Variants in FGD3 observed in about 807,000 individuals in gnomAD.
The protein encoded by FGD3 is FYVE, RhoGEF and PH domain-containing protein 3.
Under a neutral mutation model 71.8 loss-of-function variants are expected in FGD3, and 45 were observed. The observed-to-expected ratio is 0.63, with a 90% CI of 0.49 to 0.80. FGD3 has a LOEUF of 0.80. Among genes scored for constraint, FGD3 ranks in the 30% least tolerant of loss-of-function variants. The probability of loss-of-function intolerance (pLI) is 0.00; values close to 1 mark genes in which losing one functional copy is unlikely to be tolerated. For synonymous variants in FGD3, 378 were observed against 392.8 expected, an observed-to-expected ratio of 0.96 and a Z score of 0.44; for missense variants, 844 against 951.5, an observed-to-expected ratio of 0.89 and a Z score of 1.49.
chr9:92,998,338 C>T (rs948082602), intron 3 of FGD3, among the ~76,000 whole-genome samples: 2 of 152,156 alleles, frequency 1.3e-5, no homozygotes, highest in African/African-American at 2.4e-5. Flanking sequence ...TTAAGGACTT[C>T]TCTACACTGG....
intron 1 of FGD3, among the ~76,000 whole-genome samples, chr9:92,953,637 C>G (rs2118498235): frequency 6.6e-6 from 1 of 152,328 alleles, no homozygotes; most frequent in Middle Eastern, 3.4e-3. Flanking sequence ...GTCACCTGCA[C>G]ACGGGCCTCA....
At chr9:92,982,088 A>G (rs1860021144) in intron 3 of FGD3, among the ~76,000 whole-genome samples, 1 of 152,136 alleles carries the variant, frequency 6.6e-6, no homozygotes, top group Non-Finnish European at 1.5e-5. Flanking sequence ...TACTCCTTTT[A>G]TCTATCTGCA....
At chr9:92,997,417 C>T (rs761174968) in intron 3 of FGD3, among the ~76,000 whole-genome samples, 2 of 152,118 alleles carry the variant, frequency 1.3e-5, no homozygotes, top group Non-Finnish European at 2.9e-5. Context: ...TGGGTCTTGA[C>T]TCTTTATCCA....
intron 1 of FGD3, among the ~76,000 whole-genome samples, chr9:92,952,233 A>ATTTTT (rs35969028): frequency 7.8e-5 from 10 of 127,788 alleles, no homozygotes; most frequent in African/African-American, 2.7e-4. Context: ...TTGAAAGTCA[A>ATTTTT]TTTTTTTTTT....
In FGD3 at chr9:93,024,798, C is replaced by G. The variant is rs147686672; in HGVS notation, c.1557+2409C>G. On this transcript the variant is annotated intron_variant, in intron 14 of 17. Coordinates refer to ENST00000375482, the MANE Select transcript of FGD3 (RefSeq NM_001083536.2). ...GGACAGGGTCCTGGGGAGTCTAACC[C>G]CCGGGTTGGTGCCCTGACAGGAGAA... Among the ~76,000 whole-genome samples, 1,117 of 152,356 alleles carry G rather than the reference C, an allele frequency of 7.3e-3. 15 individuals carry two copies. Among genetic ancestry groups the G allele is most frequent in the African/African-American group, 0.025 (1,048 of 41,584 alleles).
Position 93,035,528 on chromosome 9 carries a change from C to A in FGD3, c.2117C>A (p.Thr706Lys). ...CTAAGCACTGCTGCCCATGGGGACA[C>A]GGCCCAGGACAGCCCGGGGGCCCTG... is the stretch of plus-strand genomic sequence containing the variant. Reference protein sequence around the residue: ...ETLSTAAHGDTAQDSPGALQL... With the variant: ...ETLSTAAHGDKAQDSPGALQL... Residue 706 changes from threonine to lysine, a missense_variant, in exon 18 of 18, where the codon ACG (threonine) becomes AAG (lysine). Coordinates refer to ENST00000375482, the MANE Select transcript of FGD3 (RefSeq NM_001083536.2). The A allele has an allele frequency of 6.2e-7, 1 of 1,611,558 alleles. No individual in the cohort carries two copies. The highest frequency in any genetic ancestry group is 8.5e-7 in the Non-Finnish European group (1 of 1,179,816).
At chr9:93,002,884 G>C (rs760821198) in intron 3 of FGD3, 41 bp from the exon 4 acceptor site, 2 of 1,601,364 alleles carry the variant, frequency 1.2e-6, no homozygotes, top group South Asian at 2.2e-5. Flanking sequence ...ATTCCCCAAG[G>C]CTCATCTTCC....
chr9:92,966,203 G>A (rs768474394), intron 1 of FGD3, among the ~76,000 whole-genome samples: 2 of 152,202 alleles, frequency 1.3e-5, no homozygotes, highest in Non-Finnish European at 2.9e-5. Flanking sequence ...ACAGGGACAT[G>A]AGCCTGCCAC....
At chr9:93,010,218 G>A (rs1861256246) in intron 6 of FGD3, 28 bp from the exon 7 acceptor site, 1 of 1,583,424 alleles carries the variant, frequency 6.3e-7, no homozygotes, top group African/African-American at 1.3e-5. Context: ...TGTCCTTGGA[G>A]TGCCCAATGC....
intron 8 of FGD3, 85 bp from the exon 9 acceptor site, chr9:93,013,767 C>T (rs958388739): frequency 1.5e-5 from 23 of 1,551,186 alleles, no homozygotes; most frequent in South Asian, 8.2e-5. Context: ...TTCTGGGCCA[C>T]GGTTGCAGGG....
Position 93,014,026 on chromosome 9 carries a change from G to T in FGD3, c.1182+28G>T, listed in dbSNP as rs776354482. 1.0e-5 allele frequency: 16 copies of T among 1,585,746 alleles called. No homozygotes were observed. In the East Asian group the frequency reaches 3.0e-4, roughly 29 times the overall value. On this transcript the variant is annotated intron_variant, in intron 9 of 17. Transcript: ENST00000375482. ...GAGCCTGGCCCCTGCCAGCCCAGCCGCAGAGCCTCCCTTGCCATTTGCCTC... is the reference window on the plus strand; with the variant it reads ...GAGCCTGGCCCCTGCCAGCCCAGCCTCAGAGCCTCCCTTGCCATTTGCCTC...
At chr9:92,965,050 A>G (rs969223889) in intron 1 of FGD3, among the ~76,000 whole-genome samples, 1 of 152,222 alleles carries the variant, frequency 6.6e-6, no homozygotes, top group East Asian at 1.9e-4. Context: ...AGTGTGGGAC[A>G]GTGGCGGGGC....
At position 93,017,682 on chromosome 9, in the gene FGD3, G is replaced by A. The variant is rs571100378; in HGVS notation, c.1276-454G>A. On this transcript the variant is annotated intron_variant, in intron 10 of 17. Coordinates refer to ENST00000375482, the MANE Select transcript of FGD3 (RefSeq NM_001083536.2). ...TCTAATCTCAGGGCGCACCTGCTCA[G>A]GGGCTCAGACTCTGCAGGGTGGCTA... Among the ~76,000 whole-genome samples, 65 of 152,284 alleles carry A rather than the reference G, an allele frequency of 4.3e-4. No homozygotes were observed. In the East Asian group the frequency reaches 0.012, roughly 29 times the overall value.
chr9:93,024,507 C>T (rs1323723376), intron 14 of FGD3, among the ~76,000 whole-genome samples: 1 of 152,270 alleles, frequency 6.6e-6, no homozygotes, highest in South Asian at 2.1e-4. Context: ...CTGGGCCAGG[C>T]TTATGGAGAC....
At chr9:93,031,618 G>A (rs1476079739) in intron 15 of FGD3, among the ~76,000 whole-genome samples, 1 of 152,178 alleles carries the variant, frequency 6.6e-6, no homozygotes, top group African/African-American at 2.4e-5. Context: ...CCATCTACTT[G>A]AAAAGAGCAA....
chr9:93,012,708 A>G (rs1861478513), intron 8 of FGD3, among the ~76,000 whole-genome samples: 2 of 147,368 alleles, frequency 1.4e-5, no homozygotes, highest in South Asian at 2.1e-4. Flanking sequence ...GGGGGGAAGA[A>G]TCAATCTACA....
chr9:92,978,069 G>A (rs12554591), intron 3 of FGD3, among the ~76,000 whole-genome samples: 2 of 152,126 alleles, frequency 1.3e-5, no homozygotes, highest in Non-Finnish European at 2.9e-5. Flanking sequence ...GATCACCTGA[G>A]GTCGGGAGTT....
chr9:93,019,552 G>T (rs1466658873), intron 11 of FGD3, among the ~76,000 whole-genome samples: 1 of 152,216 alleles, frequency 6.6e-6, no homozygotes, highest in Non-Finnish European at 1.5e-5. Context: ...ATACATGGGA[G>T]TTCTGTTCTC....
chr9:92,964,826 C>T (rs1483938690), intron 1 of FGD3, among the ~76,000 whole-genome samples: 4 of 152,052 alleles, frequency 2.6e-5, no homozygotes, highest in Admixed American at 1.3e-4. Context: ...GCCTGGGGGG[C>T]GGGGGGTAGC....
Sources: gnomAD v4.1 joint callset for allele counts (sites outside exome capture counted in the v4.1 genomes callset) on GRCh38, gnomAD v4.1.1 for gene constraint, MANE v1.5 for transcripts, NCBI Gene and HGNC (gene_info 2026-07-23, HGNC 2026-07-21) for gene names.